MACROD2: variants seen among roughly 807,000 people sequenced by gnomAD.
MACROD2 encodes the protein mono-ADP ribosylhydrolase 2.
In MACROD2, 36 loss-of-function variants were observed where a neutral mutation model predicts 70.4. The ratio of observed to expected loss-of-function variants is 0.51; its 90% CI spans 0.39 to 0.68. The LOEUF (loss-of-function observed/expected upper bound fraction) is 0.68, where lower values mean the gene tolerates loss of function less well. Ranked by LOEUF, MACROD2 falls within the 30% of genes least tolerant of loss-of-function variation. The pLI is 0.00. For synonymous variants in MACROD2, 172 were observed against 178.8 expected, an observed-to-expected ratio of 0.96 and a Z score of 0.30; for missense variants, 496 against 538.4, an observed-to-expected ratio of 0.92 and a Z score of 0.78.
In MACROD2 at chr20:16,050,094, C is replaced by A; in HGVS notation, c.*218C>A. On this transcript the variant is annotated 3_prime_UTR_variant, in exon 18 of 18. Coordinates refer to ENST00000684519, the MANE Select transcript of MACROD2 (RefSeq NM_001351661.2). ...AGTTTCCTTTAATTTGGTGGAGGGA[C>A]CCATGTTGACGCATCTTTCAGGCAT... 1 of 443,102 alleles carries A rather than the reference C, an allele frequency of 2.3e-6. No individual in the cohort carries two copies. The highest frequency in any genetic ancestry group is 4.1e-6 in the Non-Finnish European group (1 of 245,088). 27.4% of individuals were successfully genotyped at this position (443,102 alleles called of 1,614,324 possible).
intron 6 of MACROD2, among the ~76,000 whole-genome samples, chr20:15,412,397 A>G (rs1600375200): frequency 4.6e-5 from 7 of 152,200 alleles, no homozygotes; most frequent in Admixed American, 4.6e-4. Context: ...CCTTTTGACT[A>G]TGCCATCTCT....
intron 8 of MACROD2, chr20:15,619,378 G>A: frequency 4.8e-6 from 1 of 206,874 alleles, no homozygotes; most frequent in Non-Finnish European, 1.0e-5. Flanking sequence ...GATGGAGTTG[G>A]TTAAGTCAGA....
intron 5 of MACROD2, among the ~76,000 whole-genome samples, chr20:15,216,601 A>G (rs1283714636): frequency 6.6e-6 from 1 of 152,102 alleles, no homozygotes; most frequent in African/African-American, 2.4e-5. Context: ...GAAGTCTCCA[A>G]TTTCTTCCCT....
intron 5 of MACROD2, among the ~76,000 whole-genome samples, chr20:14,814,067 C>T (rs1376078442): frequency 1.3e-5 from 2 of 152,094 alleles, no homozygotes; most frequent in Non-Finnish European, 2.9e-5. Context: ...TGGAAGAAAA[C>T]CAAATAGGTA....
intron 4 of MACROD2, among the ~76,000 whole-genome samples, chr20:14,643,205 C>T (rs1985190829): frequency 6.6e-6 from 1 of 152,092 alleles, no homozygotes; most frequent in South Asian, 2.1e-4. Context: ...ATCCATTTTT[C>T]TATATGGAAA....
intron 5 of MACROD2, among the ~76,000 whole-genome samples, chr20:14,724,866 T>C (rs867397711): frequency 2.6e-5 from 4 of 152,174 alleles, no homozygotes; most frequent in Admixed American, 6.5e-5. Flanking sequence ...GGAAGCACCA[T>C]GGCTTGCTTA....
At chr20:15,745,704 G>T (rs992422266) in intron 8 of MACROD2, among the ~76,000 whole-genome samples, 1 of 152,066 alleles carries the variant, frequency 6.6e-6, no homozygotes. Flanking sequence ...ATTATTTTAG[G>T]TATTTAATCC....
intron 8 of MACROD2, among the ~76,000 whole-genome samples, chr20:15,545,767 G>GA (rs1385535019): frequency 6.6e-6 from 1 of 152,002 alleles, no homozygotes; most frequent in African/African-American, 2.4e-5. Context: ...ATATTTTCAA[G>GA]AAAAAATATA....
intron 8 of MACROD2, among the ~76,000 whole-genome samples, chr20:15,700,025 G>T (rs762715180): frequency 6.6e-6 from 1 of 152,126 alleles, no homozygotes; most frequent in Non-Finnish European, 1.5e-5. Context: ...CAGACCTTCA[G>T]CTTCTCCAGT....
intron 3 of MACROD2, among the ~76,000 whole-genome samples, chr20:14,210,552 G>A (rs926825098): frequency 2.0e-5 from 3 of 152,136 alleles, no homozygotes; most frequent in African/African-American, 4.8e-5. Flanking sequence ...GTCCTGAGAA[G>A]AATTTTTTTT....
chr20:14,454,981 T>A (rs1403658693), intron 3 of MACROD2, among the ~76,000 whole-genome samples: 1 of 152,074 alleles, frequency 6.6e-6, no homozygotes, highest in Admixed American at 6.5e-5. Flanking sequence ...CTCGATCTCC[T>A]GACCTCGTGA....
intron 8 of MACROD2, among the ~76,000 whole-genome samples, chr20:15,678,562 T>C (rs553236114): frequency 1.3e-5 from 2 of 152,242 alleles, no homozygotes; most frequent in African/African-American, 4.8e-5. Context: ...GGTTTCGTTA[T>C]GTTAGCCAGG....
intron 4 of MACROD2, among the ~76,000 whole-genome samples, chr20:14,499,114 C>T (rs1450024881): frequency 6.6e-6 from 1 of 152,182 alleles, no homozygotes; most frequent in East Asian, 1.9e-4. Flanking sequence ...ACAGCAACAG[C>T]CTTTCAGTCC....
chr20:15,287,833 A>G (rs2077505399), intron 6 of MACROD2, among the ~76,000 whole-genome samples: 2 of 152,242 alleles, frequency 1.3e-5, no homozygotes, highest in African/African-American at 4.8e-5. Flanking sequence ...TTTATGATTA[A>G]GGAGCTATTG....
At chr20:15,374,605 A>C (rs867244863) in intron 6 of MACROD2, among the ~76,000 whole-genome samples, 1 of 152,188 alleles carries the variant, frequency 6.6e-6, no homozygotes, top group Non-Finnish European at 1.5e-5. Flanking sequence ...AAGATTGTAC[A>C]GACAGTTGAT....
chr20:15,636,431 C>T (rs2049370590), intron 8 of MACROD2, among the ~76,000 whole-genome samples: 1 of 152,164 alleles, frequency 6.6e-6, no homozygotes, highest in Non-Finnish European at 1.5e-5. Flanking sequence ...CAATGTGATT[C>T]TTTAGCCCAT....
Position 15,006,985 on chromosome 20 carries a change from T to G in MACROD2, c.419-222955T>G, listed in dbSNP as rs1353854066. Reference sequence around the variant, plus strand: ...ACATAAAGTCTAAGGCTTTGCAAAATTTTGATAAAAGCCAATTGCTTTAAA... The same window carrying G: ...ACATAAAGTCTAAGGCTTTGCAAAAGTTTGATAAAAGCCAATTGCTTTAAA... On this transcript the variant is annotated intron_variant, in intron 5 of 17. Transcript: ENST00000684519. Among the ~76,000 whole-genome samples, 3 of 151,704 alleles carry G rather than the reference T, an allele frequency of 2.0e-5. No individual in the cohort carries two copies. The East Asian group carries it at 5.8e-4, about 29-fold the overall frequency.
chr20:15,964,749 G>A (rs996403205), intron 12 of MACROD2, among the ~76,000 whole-genome samples: 3 of 152,118 alleles, frequency 2.0e-5, no homozygotes, highest in African/African-American at 7.2e-5. Flanking sequence ...TCAAATCTAG[G>A]CCTGCTAAAG....
chr20:14,571,312 C>T (rs1447078439), intron 4 of MACROD2, among the ~76,000 whole-genome samples: 1 of 151,992 alleles, frequency 6.6e-6, no homozygotes, highest in Non-Finnish European at 1.5e-5. Flanking sequence ...TTATATCCTT[C>T]TTAGGAGCAA....
Sources: allele counts gnomAD v4.1 joint callset (sites outside exome capture counted in the v4.1 genomes callset), GRCh38; gene constraint gnomAD v4.1.1; transcripts MANE v1.5; gene names NCBI Gene and HGNC (gene_info 2026-07-23, HGNC 2026-07-21).